Variants in LARGE1 observed in about 807,000 individuals in gnomAD.
The protein encoded by LARGE1 is xylosyl- and glucuronyltransferase LARGE1.
A neutral mutation model predicts 87.6 loss-of-function variants in LARGE1; 43 were observed. The ratio of observed to expected loss-of-function variants is 0.49; its 90% confidence interval spans 0.38 to 0.63. LARGE1 has a LOEUF of 0.63. Ranked by LOEUF, LARGE1 falls within the 30% of genes least tolerant of loss-of-function variation. LARGE1 has a pLI of 0.00. For synonymous variants in LARGE1, 434 were observed against 394.6 expected (o/e 1.10, Z -1.18); for missense variants, 802 against 1,000.2 (o/e 0.80, Z 2.67).
the LARGE1 span, among the ~76,000 whole-genome samples, chr22:33,131,364 T>A: frequency 1.3e-5 from 2 of 152,160 alleles, no homozygotes; most frequent in Non-Finnish European, 2.9e-5. Context: ...TTAATGGCCC[T>A]TTTCTGCCTT....
At chr22:33,156,680 G>A in the LARGE1 span, among the ~76,000 whole-genome samples, 3 of 152,252 alleles carry the variant, frequency 2.0e-5, no homozygotes, top group South Asian at 6.2e-4. Flanking sequence ...AGTTAATGCT[G>A]AAATGAGTTA....
At chr22:33,424,871 C>T (rs1460944640) in intron 7 of LARGE1, among the ~76,000 whole-genome samples, 1 of 151,998 alleles carries the variant, frequency 6.6e-6, no homozygotes, top group Non-Finnish European at 1.5e-5. Context: ...ACTTTAAAAT[C>T]CTAATTCCTA....
intron 13 of LARGE1, among the ~76,000 whole-genome samples, chr22:33,280,572 G>A (rs1930246286): frequency 1.3e-5 from 2 of 152,158 alleles, no homozygotes; most frequent in Admixed American, 6.5e-5. Flanking sequence ...TGGCTGAGGA[G>A]GCAGCTTTGA....
intron 6 of LARGE1, among the ~76,000 whole-genome samples, chr22:33,490,668 G>A (rs1171021007): frequency 6.6e-6 from 1 of 152,088 alleles, no homozygotes; most frequent in African/African-American, 2.4e-5. Flanking sequence ...ACAGCTTCCC[G>A]GCTCACTAAA....
intron 1 of LARGE1, among the ~76,000 whole-genome samples, chr22:33,774,685 C>A (rs1343909199): frequency 6.6e-6 from 1 of 152,144 alleles, no homozygotes; most frequent in Non-Finnish European, 1.5e-5. Context: ...TTTTATTTAA[C>A]CTAGTATGCT....
chr22:33,273,557 C>T lies in LARGE1; in HGVS notation c.*870G>A, dbSNP rs547595847. ...TGACCGGTGTAAAACAGCCAGCCCT[C>T]GTAATTCCGCAGTCCCCATCGCTAT... is the stretch of plus-strand genomic sequence containing the variant. On this transcript the variant is annotated 3_prime_UTR_variant, in exon 15 of 15. Coordinates refer to ENST00000397394, the MANE Select transcript of LARGE1 (RefSeq NM_133642.5). 1.3e-4 allele frequency: 50 copies of T among 398,744 alleles called. No individual in the cohort carries two copies. The highest frequency in any genetic ancestry group is 7.1e-4 in the East Asian group (20 of 28,084). 24.7% of individuals were successfully genotyped at this position (398,744 alleles called of 1,614,324 possible).
At chr22:33,855,969 G>A (rs918348519) in intron 1 of LARGE1, among the ~76,000 whole-genome samples, 2 of 152,090 alleles carry the variant, frequency 1.3e-5, no homozygotes, top group Admixed American at 6.6e-5. Flanking sequence ...TGATGGAGTC[G>A]GGATCAAGTC....
intron 1 of LARGE1, among the ~76,000 whole-genome samples, chr22:33,811,783 AAGTCATTCTGGC>A (rs1376427683): frequency 6.6e-6 from 1 of 152,188 alleles, no homozygotes; most frequent in African/African-American, 2.4e-5. Context: ...AGCCTTAGAA[AAGTCATTCTGGC>A]AGTATAAGAA....
At chr22:33,335,058 T>C (rs1938277828) in intron 10 of LARGE1, among the ~76,000 whole-genome samples, 2 of 152,192 alleles carry the variant, frequency 1.3e-5, no homozygotes, top group Non-Finnish European at 2.9e-5. Flanking sequence ...CTGATACAAA[T>C]GATTAACTGA....
Position 33,348,562 on chromosome 22 carries a change from C to T in LARGE1, c.1132-10761G>A, listed in dbSNP as rs563739038. On this transcript the variant is annotated intron_variant, in intron 9 of 14. Coordinates refer to ENST00000397394, the MANE Select transcript of LARGE1 (RefSeq NM_133642.5). ...CTGATATTTGGTGAAACAATTATTT[C>T]TAGGTGTGTTTGTGAGGGTGTTTGC... is the stretch of plus-strand genomic sequence containing the variant. 3.1e-3 allele frequency among the ~76,000 whole-genome samples: 477 copies of T among 152,182 alleles called. 2 individuals carry two copies. The highest frequency in any genetic ancestry group is 4.7e-3 in the Non-Finnish European group (319 of 68,004).
intron 10 of LARGE1, among the ~76,000 whole-genome samples, chr22:33,319,745 G>A (rs908821302): frequency 2.0e-5 from 3 of 152,044 alleles, no homozygotes; most frequent in Non-Finnish European, 4.4e-5. Flanking sequence ...CTGAGCAATA[G>A]ATACTGATAG....
intron 1 of LARGE1, among the ~76,000 whole-genome samples, chr22:33,787,064 C>A (rs939497737): frequency 2.0e-5 from 3 of 151,628 alleles, no homozygotes; most frequent in Admixed American, 6.6e-5. Flanking sequence ...TAATGGTACA[C>A]ATGCACTGTA....
intron 1 of LARGE1, among the ~76,000 whole-genome samples, chr22:33,847,408 C>T (rs1341979321): frequency 6.6e-6 from 1 of 152,222 alleles, no homozygotes; most frequent in African/African-American, 2.4e-5. Context: ...AAACTGCATT[C>T]AACTACCATT....
chr22:33,215,271 C>T (rs973677685), intron 11 of LARGE1, among the ~76,000 whole-genome samples: 5 of 152,274 alleles, frequency 3.3e-5, no homozygotes, highest in Non-Finnish European at 7.4e-5. Context: ...CTTGGAGTCA[C>T]CTTTCAAGTA....
chr22:33,795,647 T>C (rs113950244), intron 1 of LARGE1, among the ~76,000 whole-genome samples: 11,051 of 152,206 alleles, frequency 0.073, 517 homozygotes, highest in Admixed American at 0.11. Context: ...TAAGAAAATG[T>C]AGCACACATA....
At chr22:33,727,696 A>G (rs1259913176) in intron 2 of LARGE1, 2 of 152,222 alleles carry the variant, frequency 1.3e-5, no homozygotes, top group Non-Finnish European at 2.9e-5. Flanking sequence ...TAGATGCAGA[A>G]AGTAAGACCC....
chr22:33,451,300 T>C (rs8141384), intron 6 of LARGE1, among the ~76,000 whole-genome samples: 50,469 of 151,850 alleles, frequency 0.33, 9,070 homozygotes, highest in African/African-American at 0.46. Flanking sequence ...CATTTGTCTA[T>C]ATGCGCGTAG....
chr22:33,837,965 T>A (rs1011127536), intron 1 of LARGE1, among the ~76,000 whole-genome samples: 1 of 152,242 alleles, frequency 6.6e-6, no homozygotes, highest in African/African-American at 2.4e-5. Context: ...AAGCTCTGCA[T>A]GCCATACTTT....
chr22:33,433,445 A>T (rs973701975), intron 6 of LARGE1, among the ~76,000 whole-genome samples: 1 of 151,832 alleles, frequency 6.6e-6, no homozygotes, highest in Non-Finnish European at 1.5e-5. Flanking sequence ...AAATACAAAA[A>T]ATTAGCCAGG....
Sources: allele counts gnomAD v4.1 joint callset (sites outside exome capture counted in the v4.1 genomes callset), GRCh38; gene constraint gnomAD v4.1.1; transcripts MANE v1.5; gene names NCBI Gene and HGNC (gene_info 2026-07-23, HGNC 2026-07-21).